The following STOM variants were observed in gnomAD, a reference collection of about 807,000 sequenced individuals.
STOM encodes the protein stomatin.
A neutral mutation model predicts 30.6 loss-of-function variants in STOM; 25 were observed. The ratio of observed to expected loss-of-function variants is 0.82; its 90% CI spans 0.60 to 1.14. The LOEUF is 1.14. Ranked by LOEUF, STOM falls within the 50% of genes most tolerant of loss-of-function variation. STOM has a pLI of 0.00. For missense variants in STOM, 292 were observed against 365.2 expected (o/e 0.80, Z 1.63); for synonymous variants, 118 against 130.8 (o/e 0.90, Z 0.67).
intron 3 of STOM, 59 bp downstream of exon 3, chr9:121,354,542 T>TA (rs899680986): frequency 2.2e-5 from 30 of 1,395,296 alleles, no homozygotes; most frequent in African/African-American, 1.3e-4. Context: ...TACCTAAAAA[T>TA]AAAAAAAATA....
At chr9:121,347,886 G>A (rs566787541) in intron 6 of STOM, 129 bp downstream of exon 6, 2 of 1,185,660 alleles carry the variant, frequency 1.7e-6, no homozygotes, top group South Asian at 1.7e-5. Context: ...TACGGGGAGG[G>A]TTTTCACTTC....
intron 1 of STOM, among the ~76,000 whole-genome samples, chr9:121,360,152 T>C (rs2064436284): frequency 6.6e-6 from 1 of 152,242 alleles, no homozygotes; most frequent in Non-Finnish European, 1.5e-5. Context: ...CACAGTATCC[T>C]GCATAGTAGA....
intron 1 of STOM, among the ~76,000 whole-genome samples, chr9:121,366,481 T>C (rs1390661657): frequency 6.6e-6 from 1 of 152,148 alleles, no homozygotes; most frequent in African/African-American, 2.4e-5. Context: ...TATATTATCT[T>C]GGCAATTATA....
chr9:121,341,397 G>C lies in STOM; in HGVS notation c.672C>G (p.Ala224=). Residue 224 remains alanine, a synonymous_variant, in exon 7 of 7, where the codon GCC becomes GCG. Coordinates refer to ENST00000286713, the MANE Select transcript of STOM (RefSeq NM_004099.6). Reference sequence around the variant, plus strand: ...CCCTGGATGCATTCATTTCTCCTTCGGCTGCAATAACCTATGGACAGGTGA... The same window carrying C: ...CCCTGGATGCATTCATTTCTCCTTCCGCTGCAATAACCTATGGACAGGTGA... ...SREARAKVIA[A]EGEMNASRAL... is the part of the protein sequence containing the mutation. 1 of 1,613,020 alleles carries C rather than the reference G, an allele frequency of 6.2e-7. No individual in the cohort carries two copies. The highest frequency in any genetic ancestry group is 8.5e-7 in the Non-Finnish European group (1 of 1,180,004).
chr9:121,360,409 G>A (rs948333810), intron 1 of STOM, among the ~76,000 whole-genome samples: 5 of 152,066 alleles, frequency 3.3e-5, no homozygotes, highest in Middle Eastern at 3.4e-3. Flanking sequence ...CCCTGAGAAC[G>A]AGGAGTAACT....
intron 6 of STOM, among the ~76,000 whole-genome samples, chr9:121,343,842 T>C (rs1244058103): frequency 1.3e-5 from 2 of 152,134 alleles, no homozygotes; most frequent in African/African-American, 4.8e-5. Flanking sequence ...CCATCAGATC[T>C]AGTTTGAAAA....
intron 1 of STOM, chr9:121,366,258 C>G: frequency 1.0e-6 from 1 of 985,150 alleles, no homozygotes; most frequent in Non-Finnish European, 1.2e-6. Context: ...TTAGTAGTCC[C>G]AGCAGACAGA....
At chr9:121,345,885 C>A (rs1034538053) in intron 6 of STOM, among the ~76,000 whole-genome samples, 1 of 152,178 alleles carries the variant, frequency 6.6e-6, no homozygotes, top group Non-Finnish European at 1.5e-5. Context: ...AACTGTGCGA[C>A]CTTGCGGACG....
Position 121,339,824 on chromosome 9 carries a change from T to C in STOM, c.*1378A>G. Reference sequence around the variant, plus strand: ...CATGATAGAAGAATGACTAGGTAAATTTAAAAAGACCTACATCTATATAGA... The same window carrying C: ...CATGATAGAAGAATGACTAGGTAAACTTAAAAAGACCTACATCTATATAGA... On this transcript the variant is annotated 3_prime_UTR_variant, in exon 7 of 7. Transcript: ENST00000286713. 3 of 1,201,146 alleles carry C rather than the reference T, an allele frequency of 2.5e-6. No individual in the cohort carries two copies. The highest frequency in any genetic ancestry group is 3.4e-5 in the East Asian group (1 of 29,094). 74.4% of individuals were successfully genotyped at this position (1,201,146 alleles called of 1,614,324 possible).
chr9:121,365,749 C>G (rs2064496916), intron 1 of STOM, among the ~76,000 whole-genome samples: 1 of 152,088 alleles, frequency 6.6e-6, no homozygotes, highest in South Asian at 2.1e-4. Flanking sequence ...TTATTTCACT[C>G]AGTTGTTGTG....
At chr9:121,356,750 A>G (rs1010268585) in intron 1 of STOM, among the ~76,000 whole-genome samples, 1 of 152,160 alleles carries the variant, frequency 6.6e-6, no homozygotes, top group Non-Finnish European at 1.5e-5. Context: ...TGGGAGGCCG[A>G]GACAGGTGGA....
intron 1 of STOM, among the ~76,000 whole-genome samples, chr9:121,361,532 G>A (rs1371619788): frequency 6.6e-6 from 1 of 151,910 alleles, no homozygotes; most frequent in Non-Finnish European, 1.5e-5. Context: ...GGGACTACAG[G>A]TGCCCACCAC....
rs954700396 is a variant in STOM, at chr9:121,358,669, TG to T, written c.62-2514del. 8.5e-5 allele frequency among the ~76,000 whole-genome samples: 13 copies of T among 152,200 alleles called. 1 individual carries two copies. Among genetic ancestry groups the T allele is most frequent in the Admixed American group, 7.9e-4 (12 of 15,272 alleles). ...AGATTTTATATTATGAATTTGTAAG[TG>T]CAATTTAAAGCTAAGCCAAGTAGTG... is the stretch of plus-strand genomic sequence containing the variant. On this transcript the variant is annotated intron_variant, in intron 1 of 6. Coordinates refer to ENST00000286713, the MANE Select transcript of STOM (RefSeq NM_004099.6).
chr9:121,353,579 A>T (rs575033150), intron 3 of STOM, among the ~76,000 whole-genome samples: 9 of 152,118 alleles, frequency 5.9e-5, no homozygotes, highest in Non-Finnish European at 1.3e-4. Flanking sequence ...TTCCCAGGCC[A>T]TCTTTCTATT....
chr9:121,341,425 G>A lies in STOM; in HGVS notation c.661-17C>T, dbSNP rs1248549279. ...TGCAATAACCTATGGACAGGTGAAAGGAGGGGTTGAACTGGAGAAAACCTC... is the reference window on the plus strand; with the variant it reads ...TGCAATAACCTATGGACAGGTGAAAAGAGGGGTTGAACTGGAGAAAACCTC... On this transcript the variant is annotated splice_polypyrimidine_tract_variant and intron_variant, in intron 6 of 6. Coordinates refer to ENST00000286713, the MANE Select transcript of STOM (RefSeq NM_004099.6). 1 of 1,612,188 alleles carries A rather than the reference G, an allele frequency of 6.2e-7. No homozygotes were observed. Among genetic ancestry groups the A allele is most frequent in the East Asian group, 2.2e-5 (1 of 44,882 alleles).
Position 121,340,228 on chromosome 9 carries a change from A to G in STOM, c.*974T>C. ...AATCATTTACTCATAAAGAAGGCTC[A>G]AATAAGTTAAAACATGGATGTATTT... On this transcript the variant is annotated 3_prime_UTR_variant, in exon 7 of 7. Transcript: ENST00000286713. 1.0e-6 allele frequency: 1 copy of G among 985,468 alleles called. No individual in the cohort carries two copies. The highest frequency in any genetic ancestry group is 4.7e-5 in the South Asian group (1 of 21,292). 61.0% of individuals were successfully genotyped at this position (985,468 alleles called of 1,614,324 possible).
chr9:121,356,235 G>T, intron 1 of STOM, 79 bp from the exon 2 acceptor site: 1 of 1,191,840 alleles, frequency 8.4e-7, no homozygotes, highest in Non-Finnish European at 1.2e-6. Context: ...ACCATTCGCT[G>T]AATACCTATG....
rs747580083 is a variant in STOM at position 121,356,143 on chromosome 9, C to T, written c.75G>A (p.Lys25=). ...LPDSFKDSPS[K]GLGPCGWILV... ...AAATCCATCCGCAAGGTCCAAGGCC[C>T]TTACTGGGGCTGTCTGTTGAAAACA... The change falls in exon 2 of 7, where the codon AAG becomes AAA. Residue 25 remains lysine, a synonymous_variant. Coordinates refer to ENST00000286713, the MANE Select transcript of STOM (RefSeq NM_004099.6). The T allele has an allele frequency of 2.5e-6, 4 of 1,613,410 alleles. No homozygotes were observed. The highest frequency in any genetic ancestry group is 2.7e-5 in the African/African-American group (2 of 74,900).
chr9:121,365,783 A>G (rs890424052), intron 1 of STOM, among the ~76,000 whole-genome samples: 1 of 152,154 alleles, frequency 6.6e-6, no homozygotes, highest in Non-Finnish European at 1.5e-5. Flanking sequence ...AAAATATGTA[A>G]AGGGCTTGAC....
Sources: allele counts gnomAD v4.1 joint callset (sites outside exome capture counted in the v4.1 genomes callset), GRCh38; gene constraint gnomAD v4.1.1; transcripts MANE v1.5; gene names NCBI Gene and HGNC (gene_info 2026-07-23, HGNC 2026-07-21).